The following PIK3C2G variants were observed in gnomAD, a reference collection of about 807,000 sequenced individuals.
PIK3C2G encodes the protein phosphatidylinositol 3-kinase C2 domain-containing subunit gamma.
PIK3C2G carries 168 observed loss-of-function variants against 181.1 expected under a neutral mutation model. That is an observed-to-expected ratio of 0.93 (90% CI 0.82 to 1.05). The LOEUF (loss-of-function observed/expected upper bound fraction) is 1.05, where lower values mean the gene tolerates loss of function less well. Among genes scored for constraint, PIK3C2G ranks in the 50% least tolerant of loss-of-function variants. The probability of loss-of-function intolerance (pLI) is 0.00; values close to 1 mark genes in which losing one functional copy is unlikely to be tolerated. For synonymous variants in PIK3C2G, 573 were observed against 592.2 expected (o/e 0.97, Z 0.47); for missense variants, 1,869 against 1,732.8 (o/e 1.08, Z -1.40).
At chr12:18,721,603 T>G in the PIK3C2G span, among the ~76,000 whole-genome samples, 1 of 151,990 alleles carries the variant, frequency 6.6e-6, no homozygotes, top group African/African-American at 2.4e-5. Context: ...TCTAGATCAG[T>G]GCTACTTAAA....
Position 18,436,065 on chromosome 12 carries a change from A to G in PIK3C2G, c.2504+12026A>G, listed in dbSNP as rs544606237. On this transcript the variant is annotated intron_variant, in intron 18 of 32. Transcript: ENST00000538779. ...AGAAGCTCTTCAGTAGTGTGGTTCC[A>G]AAGTTTATTATTGCAGCAGCTCACT... is the stretch of plus-strand genomic sequence containing the variant. Among the ~76,000 whole-genome samples, 10 of 152,102 alleles carry G rather than the reference A, an allele frequency of 6.6e-5. No homozygotes were observed. In the East Asian group the frequency reaches 1.9e-3, roughly 29 times the overall value.
intron 7 of PIK3C2G, among the ~76,000 whole-genome samples, chr12:18,324,016 C>A (rs1340043841): frequency 6.6e-6 from 1 of 151,790 alleles, no homozygotes; most frequent in Non-Finnish European, 1.5e-5. Context: ...GTCAGGAGAT[C>A]GAGACCATCC....
At chr12:18,432,846 G>A (rs1385074909) in intron 18 of PIK3C2G, among the ~76,000 whole-genome samples, 1 of 152,100 alleles carries the variant, frequency 6.6e-6, no homozygotes. Context: ...ATTAAAATAC[G>A]TTTATGATAT....
intron 20 of PIK3C2G, among the ~76,000 whole-genome samples, chr12:18,495,155 C>T (rs537079135): frequency 1.3e-5 from 2 of 152,168 alleles, no homozygotes; most frequent in South Asian, 2.1e-4. Flanking sequence ...TTTCAACATG[C>T]ATTGATGTCA....
chr12:18,372,311 T>A (rs1216473886), intron 13 of PIK3C2G, among the ~76,000 whole-genome samples: 1 of 152,102 alleles, frequency 6.6e-6, no homozygotes, highest in Non-Finnish European at 1.5e-5. Flanking sequence ...TTTATCTTTG[T>A]CATATCTATC....
At chr12:18,635,560 C>T (rs1237096940) in intron 31 of PIK3C2G, among the ~76,000 whole-genome samples, 1 of 152,184 alleles carries the variant, frequency 6.6e-6, no homozygotes, top group African/African-American at 2.4e-5. Context: ...CAAAAGGAGA[C>T]AGGTTATCTG....
intron 3 of PIK3C2G, among the ~76,000 whole-genome samples, chr12:18,288,783 C>T (rs533169425): frequency 6.6e-6 from 1 of 152,306 alleles, no homozygotes; most frequent in Non-Finnish European, 1.5e-5. Flanking sequence ...ACATTATTAG[C>T]TCCTCCAGCA....
intron 1 of PIK3C2G, among the ~76,000 whole-genome samples, chr12:18,250,076 T>C (rs1948080870): frequency 6.6e-6 from 1 of 152,118 alleles, no homozygotes; most frequent in African/African-American, 2.4e-5. Flanking sequence ...CAGAAAAATC[T>C]GATTTTCTCC....
intron 12 of PIK3C2G, among the ~76,000 whole-genome samples, chr12:18,369,986 G>T (rs1307580163): frequency 7.9e-4 from 90 of 114,384 alleles, no homozygotes; most frequent in Non-Finnish European, 8.0e-4. Context: ...ATCATATAAC[G>T]ATCGTATAAT....
At chr12:18,661,067 T>C in the PIK3C2G span, among the ~76,000 whole-genome samples, 12 of 152,050 alleles carry the variant, frequency 7.9e-5, no homozygotes, top group African/African-American at 2.2e-4. Flanking sequence ...GTTAGAAGAA[T>C]TGATGAACTT....
chr12:18,696,940 G>C, the PIK3C2G span, among the ~76,000 whole-genome samples: 1 of 152,152 alleles, frequency 6.6e-6, no homozygotes, highest in East Asian at 1.9e-4. Context: ...ACACAAACAG[G>C]AACAAACATA....
the PIK3C2G span, among the ~76,000 whole-genome samples, chr12:18,711,181 A>G: frequency 6.6e-6 from 1 of 152,142 alleles, no homozygotes; most frequent in Non-Finnish European, 1.5e-5. Context: ...GGGAACATAT[A>G]CACCATGGAA....
rs556235781 is a variant in PIK3C2G at position 18,334,276 on chromosome 12, G to C, written c.1273-4150G>C. Reference sequence around the variant, plus strand: ...CAACAGGCAGCCTACGCAGTTTTTGGACAAATAATTTTAAGAAAAATTTTT... The same window carrying C: ...CAACAGGCAGCCTACGCAGTTTTTGCACAAATAATTTTAAGAAAAATTTTT... On this transcript the variant is annotated intron_variant, in intron 8 of 32. Transcript: ENST00000538779. Among the ~76,000 whole-genome samples the C allele has an allele frequency of 7.2e-5, 11 of 152,112 alleles. No homozygotes were observed. The South Asian group carries it at 2.3e-3, about 32-fold the overall frequency.
the PIK3C2G span, among the ~76,000 whole-genome samples, chr12:18,681,640 A>G: frequency 2.0e-5 from 3 of 152,108 alleles, no homozygotes; most frequent in Non-Finnish European, 4.4e-5. Flanking sequence ...TCAAGACATC[A>G]TAAGATTCTT....
At chr12:18,446,092 C>G (rs1265493740) in intron 18 of PIK3C2G, among the ~76,000 whole-genome samples, 1 of 152,150 alleles carries the variant, frequency 6.6e-6, no homozygotes, top group African/African-American at 2.4e-5. Flanking sequence ...GTTTTGAGAG[C>G]AACAGCAACA....
intron 30 of PIK3C2G, among the ~76,000 whole-genome samples, chr12:18,599,006 T>C (rs1028119281): frequency 1.3e-5 from 2 of 150,534 alleles, no homozygotes; most frequent in African/African-American, 4.9e-5. Context: ...CAACAGGTGC[T>C]GGAGAGGATG....
At chr12:18,494,766 A>T (rs1056752922) in intron 20 of PIK3C2G, among the ~76,000 whole-genome samples, 4 of 152,142 alleles carry the variant, frequency 2.6e-5, no homozygotes, top group African/African-American at 9.6e-5. Context: ...GTGATCCCTA[A>T]TTAGCTGACT....
Position 18,648,155 on chromosome 12 carries a change from A to T in PIK3C2G, c.*127A>T. On this transcript the variant is annotated 3_prime_UTR_variant, in exon 33 of 33. Coordinates refer to ENST00000538779, the MANE Select transcript of PIK3C2G (RefSeq NM_001288772.2). ...CACAGGGTATTAAGGACACAGAAAA[A>T]AAATCAGAATTAGTCTTTTGTGTTG... 1 of 448,732 alleles carries T rather than the reference A, an allele frequency of 2.2e-6. No homozygotes were observed. Among genetic ancestry groups the T allele is most frequent in the Non-Finnish European group, 3.8e-6 (1 of 261,560 alleles). 27.8% of individuals were successfully genotyped at this position (448,732 alleles called of 1,614,324 possible). A position where few individuals can be genotyped will look rare whatever the true frequency, so the allele number is the denominator to read the frequency against.
At position 18,399,679 on chromosome 12, in the gene PIK3C2G, G is replaced by C; in HGVS notation, c.2147G>C (p.Arg716Thr). 1.9e-6 allele frequency: 3 copies of C among 1,566,646 alleles called. No individual in the cohort carries two copies. Among genetic ancestry groups the C allele is most frequent in the Non-Finnish European group, 1.7e-6 (2 of 1,149,686 alleles). The change falls in exon 16 of 33, where the codon AGA becomes ACA. Residue 716 changes from arginine to threonine, a missense_variant. Arg to Thr is a moderately conservative substitution (Grantham distance 71). Coordinates refer to ENST00000538779, the MANE Select transcript of PIK3C2G (RefSeq NM_001288772.2). ...TPLLLSEEKK[R>T]YLWFYRFYCN... ...TTCAGACTCTCTGAAGAAAAGAAAA[G>C]ATATTTATGGTTTTATCGCTTCTAC...
Sources: gnomAD v4.1 joint callset for allele counts (sites outside exome capture counted in the v4.1 genomes callset) on GRCh38, gnomAD v4.1.1 for gene constraint, MANE v1.5 for transcripts, NCBI Gene and HGNC (gene_info 2026-07-23, HGNC 2026-07-21) for gene names.